ERN1: variants seen among roughly 807,000 people sequenced by gnomAD.
ERN1 encodes the protein serine/threonine-protein kinase/endoribonuclease IRE1.
Under a neutral mutation model 113.1 loss-of-function variants are expected in ERN1, and 39 were observed. The ratio of observed to expected loss-of-function variants is 0.34; its 90% CI spans 0.27 to 0.45. The LOEUF (loss-of-function observed/expected upper bound fraction) is 0.45, where lower values mean the gene tolerates loss of function less well. Among genes scored for constraint, ERN1 ranks in the 20% least tolerant of loss-of-function variants. ERN1 has a pLI of 1.00. For synonymous variants in ERN1, 507 were observed against 515.9 expected, an observed-to-expected ratio of 0.98 and a Z score of 0.23; for missense variants, 976 against 1,274.8, an observed-to-expected ratio of 0.77 and a Z score of 3.57.
intron 12 of ERN1, among the ~76,000 whole-genome samples, chr17:64,057,259 T>C (rs1189200825): frequency 6.6e-6 from 1 of 152,250 alleles, no homozygotes; most frequent in Non-Finnish European, 1.5e-5. Flanking sequence ...AAATCAGCTC[T>C]TAGCTGAAAA....
At chr17:64,108,979 C>T (rs1244097267) in intron 1 of ERN1, among the ~76,000 whole-genome samples, 2 of 152,102 alleles carry the variant, frequency 1.3e-5, no homozygotes, top group African/African-American at 4.8e-5. Context: ...AAAAAATTAG[C>T]TGGGCGTGGT....
At chr17:64,086,869 T>G (rs765055506) in intron 2 of ERN1, among the ~76,000 whole-genome samples, 1 of 151,944 alleles carries the variant, frequency 6.6e-6, no homozygotes, top group Non-Finnish European at 1.5e-5. Flanking sequence ...TGGTCTTGAA[T>G]TCCTGACCTC....
At chr17:64,124,423 TA>T (rs1455917929) in intron 1 of ERN1, among the ~76,000 whole-genome samples, 1 of 152,202 alleles carries the variant, frequency 6.6e-6, no homozygotes, top group Non-Finnish European at 1.5e-5. Context: ...TAGCTCCCAC[TA>T]TTCCCATGTG....
At chr17:64,125,001 A>T (rs530176538) in intron 1 of ERN1, among the ~76,000 whole-genome samples, 1 of 152,302 alleles carries the variant, frequency 6.6e-6, no homozygotes, top group African/African-American at 2.4e-5. Context: ...AACAGCTAAT[A>T]GGTATGAAGT....
chr17:64,112,246 T>C (rs1383144316), intron 1 of ERN1, among the ~76,000 whole-genome samples: 2 of 151,914 alleles, frequency 1.3e-5, no homozygotes, highest in East Asian at 3.9e-4. Flanking sequence ...CACATGCTTG[T>C]AATCCCAGCT....
intron 19 of ERN1, among the ~76,000 whole-genome samples, chr17:64,047,353 C>A (rs565633052): frequency 6.6e-6 from 1 of 151,964 alleles, no homozygotes; most frequent in Non-Finnish European, 1.5e-5. Context: ...CGGAGTGAAA[C>A]GCTGTCTCAA....
intron 1 of ERN1, among the ~76,000 whole-genome samples, chr17:64,115,473 A>G (rs1598089137): frequency 6.6e-6 from 1 of 152,256 alleles, no homozygotes; most frequent in African/African-American, 2.4e-5. Context: ...AGAAAAAAAG[A>G]CGGCAAGTTC....
At chr17:64,084,530 GA>G (rs5821422) in intron 2 of ERN1, among the ~76,000 whole-genome samples, 63,545 of 149,914 alleles carry the variant, frequency 0.42, 17,898 homozygotes, top group African/African-American at 0.81. Flanking sequence ...CATCAGTAAG[GA>G]AAAAAAAAAT....
At chr17:64,045,615 C>G in intron 19 of ERN1, 133 bp from the exon 20 acceptor site, 1 of 1,029,764 alleles carries the variant, frequency 9.7e-7, no homozygotes, top group South Asian at 1.5e-5. Context: ...ACCCTGCCCC[C>G]TCCCTCCCTC....
chr17:64,041,601 C>T lies in ERN1; in HGVS notation c.*2387G>A, dbSNP rs906217938. The T allele has an allele frequency of 4.6e-5, 7 of 152,134 alleles. No homozygotes were observed. The highest frequency in any genetic ancestry group is 1.0e-4 in the Non-Finnish European group (7 of 68,046). The allele number at this position is 152,134 out of a possible 1,614,324, so 9.4% of individuals were successfully genotyped here. A position where few individuals can be genotyped will look rare whatever the true frequency, so the allele number is the denominator to read the frequency against. On this transcript the variant is annotated 3_prime_UTR_variant, in exon 22 of 22. Transcript: ENST00000433197. ...GGACGGGAACCAGGGCTCCTAAAGG[C>T]GACTAAGAGGAAAGACCAGAGGTGA...
At position 64,047,938 on chromosome 17, in the gene ERN1, G is replaced by C. The variant is rs770273119; in HGVS notation, c.2449C>G (p.Pro817Ala). Residue 817 changes from proline to alanine, a missense_variant, in exon 19 of 22, where the codon CCT becomes GCT. By Grantham distance (27) the Pro-to-Ala change is conservative. This residue lies in a region of ERN1 where 297 missense variants were observed against 457.8 expected (regional missense o/e 0.65). Transcript: ENST00000433197. Reference protein sequence around the residue: ...ELIEKMIAMDPQKRPSAKHVL... With the variant: ...ELIEKMIAMDAQKRPSAKHVL... The stretch of plus-strand genomic sequence containing the variant: ...TGCTTCGCTGAGGGGCGTTTCTGAG[G>C]ATCCATCGCAATCATCTTCTCTATC... 6.2e-7 allele frequency: 1 copy of C among 1,613,388 alleles called. No homozygotes were observed.
intron 1 of ERN1, among the ~76,000 whole-genome samples, chr17:64,105,572 CTCT>C (rs1914502663): frequency 6.6e-6 from 1 of 151,988 alleles, no homozygotes; most frequent in Non-Finnish European, 1.5e-5. Context: ...CTGGTTTTTT[CTCT>C]GTGTGTGTGT....
intron 11 of ERN1, among the ~76,000 whole-genome samples, chr17:64,060,084 A>G (rs964991654): frequency 1.3e-5 from 2 of 151,470 alleles, no homozygotes; most frequent in Non-Finnish European, 2.9e-5. Context: ...ACTACCCCCT[A>G]CTTAGTAGCC....
intron 1 of ERN1, among the ~76,000 whole-genome samples, chr17:64,120,494 T>A (rs1359210525): frequency 2.0e-5 from 3 of 152,080 alleles, no homozygotes; most frequent in Non-Finnish European, 4.4e-5. Context: ...AATAATCCAC[T>A]GGAGAATGGG....
Position 64,044,877 on chromosome 17 carries a change from G to A in ERN1, c.2704C>T (p.Arg902Ter). The A allele has an allele frequency of 1.3e-6, 2 of 1,584,906 alleles. No individual in the cohort carries two copies. Among genetic ancestry groups the A allele is most frequent in the Non-Finnish European group, 1.7e-6 (2 of 1,165,568 alleles). ...YKGGSVRDLL[R>*]AMRNKKHHYR... ...CTGCTTACCTTATTTCTCATGGCTC[G>A]GAGGAGATCTCTGACAGAACCACCT... The change falls in exon 21 of 22, where the codon CGA becomes TGA. Residue 902 changes from arginine to a stop codon, truncating the protein, a stop_gained. Transcript: ENST00000433197. LOFTEE classifies it high-confidence loss of function. The surrounding 1 kb of genome is among the most constrained non-coding windows in gnomAD (Gnocchi z 4.1).
intron 1 of ERN1, among the ~76,000 whole-genome samples, chr17:64,112,184 G>A (rs1329497123): frequency 1.3e-5 from 2 of 152,012 alleles, no homozygotes; most frequent in Non-Finnish European, 2.9e-5. Context: ...CCTAGCCAAC[G>A]TGGTAAAACC....
chr17:64,077,238 G>A (rs190342026), intron 4 of ERN1, among the ~76,000 whole-genome samples: 34 of 152,280 alleles, frequency 2.2e-4, no homozygotes, highest in Non-Finnish European at 4.7e-4. Flanking sequence ...TTACAGCCTA[G>A]ATCAGTGGTT....
At position 64,087,472 on chromosome 17, in the gene ERN1, C is replaced by A. The variant is rs139858079; in HGVS notation, c.176-6664G>T. ...ATTGGCTAGTGGGTCCCACTTCCAC[C>A]CAGTCACACAACCTAGAAACTCAGG... On this transcript the variant is annotated intron_variant, in intron 2 of 21. Transcript: ENST00000433197. 2.3e-4 allele frequency among the ~76,000 whole-genome samples: 35 copies of A among 152,304 alleles called. No individual in the cohort carries two copies. The East Asian group carries it at 6.8e-3, about 29-fold the overall frequency.
At chr17:64,078,341 T>C (rs143025431) in intron 4 of ERN1, among the ~76,000 whole-genome samples, 159 of 152,350 alleles carry the variant, frequency 1.0e-3, no homozygotes, top group African/African-American at 3.6e-3. Flanking sequence ...TATTCTTCCA[T>C]TGGGCTGTCT....
Sources: allele counts gnomAD v4.1 joint callset (sites outside exome capture counted in the v4.1 genomes callset), GRCh38; gene constraint gnomAD v4.1.1; regional missense constraint gnomAD v4.1.1; non-coding constraint Gnocchi (gnomAD v3.1); transcripts MANE v1.5; gene names NCBI Gene and HGNC (gene_info 2026-07-23, HGNC 2026-07-21).